PCDH15: variants seen among roughly 807,000 people sequenced by gnomAD.
The protein encoded by PCDH15 is protocadherin-15.
Under a neutral mutation model 178.5 loss-of-function variants are expected in PCDH15, and 129 were observed. That is an observed-to-expected ratio of 0.72 (90% CI 0.63 to 0.84). The LOEUF (loss-of-function observed/expected upper bound fraction) is 0.84. Among genes scored for constraint, PCDH15 ranks in the 40% least tolerant of loss-of-function variants. PCDH15 has a pLI of 0.00. For synonymous variants in PCDH15, 800 were observed against 732.0 expected (o/e 1.09, Z -1.50); for missense variants, 2,230 against 2,099.9 (o/e 1.06, Z -1.21).
intron 2 of PCDH15, among the ~76,000 whole-genome samples, chr10:55,117,710 A>C (rs1837661660): frequency 6.6e-6 from 1 of 152,196 alleles, no homozygotes; most frequent in Non-Finnish European, 1.5e-5. Context: ...AGGCTCTGTG[A>C]GGCAAGAAAA....
At chr10:55,474,649 C>T (rs904726048) in intron 2 of PCDH15, among the ~76,000 whole-genome samples, 9 of 152,056 alleles carry the variant, frequency 5.9e-5, no homozygotes, top group African/African-American at 1.9e-4. Context: ...TGTTAAGTAT[C>T]AAAAGGAAAA....
chr10:54,760,456 C>T (rs1398111390), intron 1 of PCDH15, among the ~76,000 whole-genome samples: 1 of 152,124 alleles, frequency 6.6e-6, no homozygotes, highest in Non-Finnish European at 1.5e-5. Context: ...AATGTGTTAA[C>T]ACTTTGGATA....
intron 2 of PCDH15, among the ~76,000 whole-genome samples, chr10:55,418,986 T>A (rs1164469924): frequency 6.6e-6 from 1 of 151,780 alleles, no homozygotes; most frequent in Non-Finnish European, 1.5e-5. Context: ...GTATTATATT[T>A]GTTTTATAAG....
intron 1 of PCDH15, among the ~76,000 whole-genome samples, chr10:54,677,236 G>T (rs540894074): frequency 6.6e-6 from 1 of 152,014 alleles, no homozygotes; most frequent in Admixed American, 6.6e-5. Flanking sequence ...AAAATTAGCC[G>T]GGAGTAAGGG....
At chr10:55,171,466 T>C (rs1839329380) in intron 1 of PCDH15, among the ~76,000 whole-genome samples, 1 of 152,098 alleles carries the variant, frequency 6.6e-6, no homozygotes, top group Non-Finnish European at 1.5e-5. Flanking sequence ...TTCTAGTAAC[T>C]TCATTCAGCT....
intron 3 of PCDH15, among the ~76,000 whole-genome samples, chr10:54,518,043 C>T (rs911357289): frequency 6.6e-6 from 1 of 152,152 alleles, no homozygotes; most frequent in South Asian, 2.1e-4. Flanking sequence ...ACCAGAATCT[C>T]TGGGACACAT....
chr10:54,536,308 G>A (rs796766354), intron 2 of PCDH15, among the ~76,000 whole-genome samples: 2 of 152,088 alleles, frequency 1.3e-5, no homozygotes, highest in African/African-American at 4.8e-5. Context: ...ATGTTATTGT[G>A]AGGTAAATTT....
At chr10:54,520,831 T>C (rs1209002994) in intron 3 of PCDH15, among the ~76,000 whole-genome samples, 1 of 150,494 alleles carries the variant, frequency 6.6e-6, no homozygotes, top group South Asian at 2.1e-4. Flanking sequence ...CCAACAATGA[T>C]AGACTGGATT....
intron 2 of PCDH15, among the ~76,000 whole-genome samples, chr10:54,960,903 G>C (rs1838629113): frequency 6.6e-6 from 1 of 152,166 alleles, no homozygotes; most frequent in Non-Finnish European, 1.5e-5. Flanking sequence ...TAACAGATCA[G>C]AGAACATCCT....
chr10:55,548,767 A>G (rs1406194703), intron 2 of PCDH15, among the ~76,000 whole-genome samples: 3 of 152,132 alleles, frequency 2.0e-5, no homozygotes, highest in Non-Finnish European at 4.4e-5. Flanking sequence ...TACCATGGGA[A>G]GTGAAAGGAG....
intron 1 of PCDH15, among the ~76,000 whole-genome samples, chr10:55,292,323 C>A (rs1843027132): frequency 6.6e-6 from 1 of 152,118 alleles, no homozygotes; most frequent in South Asian, 2.1e-4. Context: ...CTACAGGCCC[C>A]AAGCAAATCT....
intron 11 of PCDH15, among the ~76,000 whole-genome samples, chr10:54,187,929 G>A (rs2048623849): frequency 2.0e-5 from 3 of 151,696 alleles, no homozygotes. Context: ...GATAGTGCAA[G>A]TTTCAAATGT....
chr10:54,380,729 T>TATATATATAC (rs1949125439), intron 3 of PCDH15, among the ~76,000 whole-genome samples: 1 of 115,074 alleles, frequency 8.7e-6, no homozygotes, highest in African/African-American at 3.7e-5. Context: ...TATATATATA[T>TATATATATAC]ATATATATAT....
At chr10:53,822,593 T>A (rs1256664078) in intron 32 of PCDH15, 2 of 1,613,586 alleles carry the variant, frequency 1.2e-6, no homozygotes, top group East Asian at 4.5e-5. Flanking sequence ...TCCTAGAGAG[T>A]GAAGAATGTA....
chr10:55,255,619 T>G lies in PCDH15; in HGVS notation c.-156+63980A>C, dbSNP rs532940637. 1.5e-3 allele frequency among the ~76,000 whole-genome samples: 235 copies of G among 152,194 alleles called. 1 individual carries two copies. The highest frequency in any genetic ancestry group is 2.3e-3 in the Non-Finnish European group (156 of 68,002). ...CCACATCCTCTCCAGCACCTGTTGT[T>G]TCCTGACTTTTTAATGATCGCCATT... is the stretch of plus-strand genomic sequence containing the variant. On this transcript the variant is annotated intron_variant, in intron 1 of 5. Coordinates refer to the PCDH15 transcript ENST00000458638.
intron 8 of PCDH15, among the ~76,000 whole-genome samples, chr10:54,274,574 G>C (rs1370585356): frequency 6.6e-6 from 1 of 150,862 alleles, no homozygotes. Context: ...AAATTTTTTG[G>C]TGGGTATAAA....
At chr10:54,216,005 T>TGCACTACC (rs1248726888) in intron 9 of PCDH15, among the ~76,000 whole-genome samples, 4 of 112,084 alleles carry the variant, frequency 3.6e-5, no homozygotes, top group Non-Finnish European at 6.6e-5. Context: ...ATCGTACCAC[T>TGCACTACC]GCACTACAGC....
chr10:54,861,037 C>T (rs1042784007), intron 3 of PCDH15, among the ~76,000 whole-genome samples: 7 of 152,064 alleles, frequency 4.6e-5, no homozygotes, highest in African/African-American at 7.2e-5. Context: ...TTTTATAATA[C>T]TCATTGAGAA....
At chr10:54,342,833 C>T (rs1374012962) in intron 6 of PCDH15, among the ~76,000 whole-genome samples, 1 of 152,154 alleles carries the variant, frequency 6.6e-6, no homozygotes, top group Non-Finnish European at 1.5e-5. Context: ...GAGATTATTT[C>T]GAAGCTTTAA....
Sources: allele counts gnomAD v4.1 joint callset (sites outside exome capture counted in the v4.1 genomes callset), GRCh38; gene constraint gnomAD v4.1.1; transcripts MANE v1.5; gene names NCBI Gene and HGNC (gene_info 2026-07-23, HGNC 2026-07-21).